The following TXLNB variants were observed in gnomAD, a reference collection of about 807,000 sequenced individuals.
TXLNB encodes beta-taxilin.
A neutral mutation model predicts 57.4 loss-of-function variants in TXLNB; 37 were observed. The ratio of observed to expected loss-of-function variants is 0.64; its 90% CI spans 0.50 to 0.85. The LOEUF is 0.85. Ranked by LOEUF, TXLNB falls within the 40% of genes least tolerant of loss-of-function variation. The pLI, the probability that TXLNB is intolerant of heterozygous loss-of-function variation, is 0.00. For synonymous variants in TXLNB, 302 were observed against 309.6 expected (o/e 0.98, Z 0.26); for missense variants, 848 against 825.6 (o/e 1.03, Z -0.33).
At chr6:139,286,058 T>C (rs1422494958) in intron 2 of TXLNB, among the ~76,000 whole-genome samples, 39 of 152,296 alleles carry the variant, frequency 2.6e-4, no homozygotes, top group African/African-American at 9.4e-4. Flanking sequence ...AACTTTGGCC[T>C]CTCACTCAGT....
chr6:139,287,774 T>C (rs888335274), intron 2 of TXLNB, among the ~76,000 whole-genome samples: 1 of 152,226 alleles, frequency 6.6e-6, no homozygotes, highest in Non-Finnish European at 1.5e-5. Context: ...CACCCTTTTT[T>C]CCCAGCCATC....
chr6:139,294,924 G>A (rs913054216), upstream of TXLNB, among the ~76,000 whole-genome samples: 7 of 152,094 alleles, frequency 4.6e-5, no homozygotes, highest in Non-Finnish European at 8.8e-5. Flanking sequence ...AGGAGACAGA[G>A]GTTGCAGTGA....
the TXLNB span, chr6:139,169,472 G>A: frequency 9.9e-5 from 15 of 152,276 alleles, no homozygotes; most frequent in African/African-American, 3.6e-4. Context: ...ACCTTTGTGA[G>A]CAAGGAAAGG....
intron 7 of TXLNB, among the ~76,000 whole-genome samples, chr6:139,249,965 C>A (rs1051504134): frequency 6.6e-6 from 1 of 152,052 alleles, no homozygotes; most frequent in African/African-American, 2.4e-5. Flanking sequence ...CACACACACT[C>A]TGTCTCTCAC....
the TXLNB span, chr6:139,183,036 G>A: frequency 2.6e-5 from 4 of 152,312 alleles, no homozygotes; most frequent in Non-Finnish European, 2.9e-5. Flanking sequence ...GAGTGAGAAA[G>A]TCATAGCCAA....
chr6:139,234,234 G>A, the TXLNB span: 2 of 152,178 alleles, frequency 1.3e-5, no homozygotes, highest in Admixed American at 6.5e-5. Context: ...AACCCATTTT[G>A]GGGGGAGAAA....
chr6:139,213,800 C>T, the TXLNB span, among the ~76,000 whole-genome samples: 1 of 152,120 alleles, frequency 6.6e-6, no homozygotes, highest in South Asian at 2.1e-4. Context: ...GGGGATATCA[C>T]CACCGATCCC....
chr6:139,273,201 A>T (rs976148825), intron 3 of TXLNB, among the ~76,000 whole-genome samples: 3 of 152,322 alleles, frequency 2.0e-5, no homozygotes, highest in South Asian at 2.1e-4. Context: ...GGGCTGTCCT[A>T]TGCCTTGTAA....
intron 6 of TXLNB, among the ~76,000 whole-genome samples, chr6:139,259,750 G>A (rs540886733): frequency 3.3e-5 from 5 of 152,208 alleles, no homozygotes; most frequent in African/African-American, 9.6e-5. Context: ...CTATGTCCCC[G>A]CACCTAACAC....
intron 2 of TXLNB, among the ~76,000 whole-genome samples, chr6:139,278,562 T>G (rs1776960052): frequency 6.6e-6 from 1 of 152,174 alleles, no homozygotes; most frequent in Non-Finnish European, 1.5e-5. Flanking sequence ...TTGTCTTCAG[T>G]CCAGGGAAGG....
intron 4 of TXLNB, among the ~76,000 whole-genome samples, chr6:139,264,530 C>CAT (rs887090359): frequency 5.3e-5 from 8 of 150,998 alleles, no homozygotes; most frequent in Non-Finnish European, 8.8e-5. Context: ...TGTAATCTTG[C>CAT]ATATATATAT....
intron 3 of TXLNB, among the ~76,000 whole-genome samples, chr6:139,276,509 A>G (rs542133011): frequency 6.6e-6 from 1 of 152,320 alleles, no homozygotes; most frequent in Non-Finnish European, 1.5e-5. Flanking sequence ...AGAGGTACCT[A>G]TGTCACTGGG....
intron 2 of TXLNB, among the ~76,000 whole-genome samples, chr6:139,281,058 TTTTA>T (rs1257107595): frequency 1.3e-5 from 2 of 150,106 alleles, no homozygotes; most frequent in South Asian, 2.1e-4. Flanking sequence ...TTATTTATTT[TTTTA>T]TTTTTTTATT....
At chr6:139,298,627 G>A in the TXLNB span, among the ~76,000 whole-genome samples, 3 of 152,184 alleles carry the variant, frequency 2.0e-5, no homozygotes, top group South Asian at 2.1e-4. Flanking sequence ...ACTATGGGCT[G>A]CAGCAATGAC....
the TXLNB span, among the ~76,000 whole-genome samples, chr6:139,197,364 G>A: frequency 1.5e-5 from 1 of 67,744 alleles, no homozygotes; most frequent in Non-Finnish European, 2.9e-5. Context: ...TGCAGACAGT[G>A]ATTTTATTTG....
At chr6:139,251,006 A>G (rs1388949559) in intron 7 of TXLNB, among the ~76,000 whole-genome samples, 1 of 152,218 alleles carries the variant, frequency 6.6e-6, no homozygotes, top group Non-Finnish European at 1.5e-5. Context: ...TTTGTGGTGT[A>G]TTAATTGGGC....
the TXLNB span, among the ~76,000 whole-genome samples, chr6:139,297,254 A>G: frequency 6.6e-6 from 1 of 152,174 alleles, no homozygotes; most frequent in African/African-American, 2.4e-5. Flanking sequence ...ATTTTATAGA[A>G]GAAAGAAGTC....
intron 2 of TXLNB, chr6:139,283,132 G>A (rs1374196430): frequency 6.9e-6 from 1 of 144,978 alleles, no homozygotes; most frequent in Non-Finnish European, 1.5e-5. Flanking sequence ...CTTTACCCAC[G>A]AGAGAGATTT....
chr6:139,292,082 G>GCACA (rs201028254), upstream of TXLNB: 85 of 135,278 alleles, frequency 6.3e-4, no homozygotes, highest in Non-Finnish European at 9.6e-4. This position sits in a 1 kb window ranked among gnomAD's most constrained non-coding sequence, Gnocchi z 4.0. Context: ...GCACGCACGC[G>GCACA]CGCGCACACA....
Sources: gnomAD v4.1 joint callset for allele counts (sites outside exome capture counted in the v4.1 genomes callset) on GRCh38, gnomAD v4.1.1 for gene constraint, Gnocchi (gnomAD v3.1) non-coding constraint, MANE v1.5 for transcripts, NCBI Gene and HGNC (gene_info 2026-07-23, HGNC 2026-07-21) for gene names.